The following PTPRS variants were observed in gnomAD, a reference collection of about 807,000 sequenced individuals.
PTPRS encodes protein tyrosine phosphatase receptor type S, also known as receptor-type tyrosine-protein phosphatase S.
In PTPRS, 63 loss-of-function variants were observed where a neutral mutation model predicts 215.3. That is an observed-to-expected ratio of 0.29 (90% CI 0.24 to 0.36). The LOEUF (loss-of-function observed/expected upper bound fraction) is 0.36. PTPRS is among the 10% of genes least tolerant of loss of function. The probability of loss-of-function intolerance (pLI) is 1.00; values close to 1 mark genes in which losing one functional copy is unlikely to be tolerated. For synonymous variants in PTPRS, 1,404 were observed against 1,191.4 expected (o/e 1.18, Z -3.68); for missense variants, 2,258 against 2,825.8 (o/e 0.80, Z 4.56).
chr19:5,283,035 C>T (rs973038123), intron 2 of PTPRS, among the ~76,000 whole-genome samples: 1 of 152,194 alleles, frequency 6.6e-6, no homozygotes, highest in South Asian at 2.1e-4. Context: ...GAACCCAGCC[C>T]TCTCTGGAGG....
chr19:5,218,766 C>T (rs370502854), intron 24 of PTPRS, 21 bp downstream of exon 24: 17 of 1,612,288 alleles, frequency 1.1e-5, no homozygotes, highest in South Asian at 4.4e-5. Flanking sequence ...GAAGCCTCCA[C>T]GGGGGAGGGC....
chr19:5,233,168 G>T (rs981316915), intron 13 of PTPRS, among the ~76,000 whole-genome samples: 1 of 138,274 alleles, frequency 7.2e-6, no homozygotes, highest in Non-Finnish European at 1.6e-5. Context: ...TCATAGAATG[G>T]TAACAAAATA....
intron 6 of PTPRS, among the ~76,000 whole-genome samples, chr19:5,261,297 G>A (rs1268533540): frequency 1.3e-5 from 2 of 152,098 alleles, no homozygotes; most frequent in African/African-American, 2.4e-5. Context: ...TATCTTGTTA[G>A]AGACAGGGGA....
chr19:5,308,575 C>G (rs935867662), intron 1 of PTPRS, among the ~76,000 whole-genome samples: 1 of 152,088 alleles, frequency 6.6e-6, no homozygotes, highest in Non-Finnish European at 1.5e-5. Context: ...GCTTCACCGA[C>G]GCAGTCACAG....
At chr19:5,219,567 G>C in intron 22 of PTPRS, 100 bp from the exon 23 acceptor site, 1 of 1,375,158 alleles carries the variant, frequency 7.3e-7, no homozygotes. Flanking sequence ...CCCCGCTCTA[G>C]ATCCTCCTAT....
rs2050579252 is a variant in PTPRS at position 5,338,484 on chromosome 19, C to T, written c.-95+2180G>A. Among the ~76,000 whole-genome samples, 1 of 152,126 alleles carries T rather than the reference C, an allele frequency of 6.6e-6. No homozygotes were observed. ...CCAGCCTGCCAGCCAGAAAGAGATG[C>T]CCCACGGAAGGCTTTGTGGAGGGCA... On this transcript the variant is annotated intron_variant, in intron 1 of 37. Transcript: ENST00000262963. The surrounding 1 kb of genome is among the most constrained non-coding windows in gnomAD (Gnocchi z 4.2).
At chr19:5,217,402 G>C (rs2041576657) in intron 25 of PTPRS, among the ~76,000 whole-genome samples, 1 of 152,086 alleles carries the variant, frequency 6.6e-6, no homozygotes, top group South Asian at 2.1e-4. Context: ...ACAGAGGAAA[G>C]AAAGGGAAGA....
At chr19:5,229,784 G>T in intron 14 of PTPRS, 100 bp from the exon 15 acceptor site, 1 of 724,820 alleles carries the variant, frequency 1.4e-6, no homozygotes, top group Non-Finnish European at 1.9e-6. Context: ...GATGCCGAGT[G>T]GCTGCCGGTG....
At chr19:5,241,849 T>G (rs2044066218) in intron 11 of PTPRS, among the ~76,000 whole-genome samples, 1 of 152,032 alleles carries the variant, frequency 6.6e-6, no homozygotes, top group Admixed American at 6.6e-5. Context: ...TTTCTTTTAT[T>G]TTTGAGACAG....
chr19:5,335,435 G>A (rs996529999), intron 1 of PTPRS, among the ~76,000 whole-genome samples: 2 of 152,194 alleles, frequency 1.3e-5, no homozygotes, highest in Non-Finnish European at 2.9e-5. Context: ...ACCCAGAGGG[G>A]TAACCTCATT....
chr19:5,337,819 G>T (rs1259034632), intron 1 of PTPRS, among the ~76,000 whole-genome samples: 1 of 152,126 alleles, frequency 6.6e-6, no homozygotes, highest in Non-Finnish European at 1.5e-5. Flanking sequence ...CTCCAAGCAG[G>T]GTCCATGGAC....
At chr19:5,229,370 G>A (rs778020407) in intron 15 of PTPRS, 28 bp from the exon 16 acceptor site, 51 of 1,374,574 alleles carry the variant, frequency 3.7e-5, no homozygotes, top group Non-Finnish European at 4.4e-5. Flanking sequence ...CGGCAGGGGA[G>A]AGAGGAGGAA....
chr19:5,209,098 C>T (rs1332999178), intron 35 of PTPRS, among the ~76,000 whole-genome samples: 3 of 152,106 alleles, frequency 2.0e-5, no homozygotes, highest in Non-Finnish European at 2.9e-5. Flanking sequence ...TCTGCCGTCC[C>T]GAGTTCCACC....
chr19:5,215,428 A>G lies in PTPRS; in HGVS notation c.4195-16T>C, dbSNP rs1458187322. 7.6e-6 allele frequency: 12 copies of G among 1,588,108 alleles called. No homozygotes were observed. The highest frequency in any genetic ancestry group is 1.7e-5 in the Admixed American group (1 of 59,104). ...GGTCGATGGACTACAGAGGAAGGGG[A>G]GAGCGCGGGTGTCAGGGTAGGTGCC... On this transcript the variant is annotated splice_polypyrimidine_tract_variant and intron_variant, in intron 27 of 37. Coordinates refer to ENST00000262963, the MANE Select transcript of PTPRS (RefSeq NM_002850.4).
intron 2 of PTPRS, among the ~76,000 whole-genome samples, chr19:5,275,463 T>C (rs1273244874): frequency 6.8e-6 from 1 of 147,648 alleles, no homozygotes; most frequent in Non-Finnish European, 1.5e-5. Flanking sequence ...CTTGGCTCAC[T>C]GCAGCCTAGA....
At chr19:5,247,006 G>T (rs1044276054) in intron 9 of PTPRS, among the ~76,000 whole-genome samples, 5 of 151,844 alleles carry the variant, frequency 3.3e-5, no homozygotes, top group Admixed American at 6.6e-5. Flanking sequence ...TGACACCAGA[G>T]AGAGGAGACG....
At chr19:5,290,121 C>G (rs1450905703) in intron 1 of PTPRS, among the ~76,000 whole-genome samples, 3 of 152,248 alleles carry the variant, frequency 2.0e-5, no homozygotes, top group African/African-American at 7.2e-5. Flanking sequence ...CCGCTGGACG[C>G]TGAACCCATG....
In PTPRS at chr19:5,221,011, G is replaced by A. The variant is rs777092331; in HGVS notation, c.3444C>T (p.Pro1148=). 1.3e-4 allele frequency: 206 copies of A among 1,610,422 alleles called. No individual in the cohort carries two copies. Among genetic ancestry groups the A allele is most frequent in the Non-Finnish European group, 1.6e-4 (185 of 1,177,894 alleles). Residue 1148 remains proline (P), a synonymous_variant, in exon 20 of 38, where the codon CCC becomes CCT. Coordinates refer to ENST00000262963, the MANE Select transcript of PTPRS (RefSeq NM_002850.4). ...IMVYLPDGQS[P]VPVQSYFIVM... is the part of the protein sequence containing the mutation. ...GGGGGTGAGCATACTGGACAGGCAC[G>A]GGGCTCTGGCCGTCAGGAAGATACA...
intron 2 of PTPRS, among the ~76,000 whole-genome samples, chr19:5,281,473 A>C (rs903946046): frequency 2.6e-5 from 4 of 152,012 alleles, no homozygotes; most frequent in African/African-American, 9.7e-5. Context: ...AAAACAAACC[A>C]CCACAAAAAA....
Sources: allele counts gnomAD v4.1 joint callset (sites outside exome capture counted in the v4.1 genomes callset), GRCh38; gene constraint gnomAD v4.1.1; non-coding constraint Gnocchi (gnomAD v3.1); transcripts MANE v1.5; gene names NCBI Gene and HGNC (gene_info 2026-07-23, HGNC 2026-07-21).